Variants in SUGCT observed in about 807,000 individuals in gnomAD.
SUGCT encodes the protein succinyl-CoA:glutarate-CoA transferase, also known as succinyl-CoA:glutarate CoA-transferase.
SUGCT carries 41 observed loss-of-function variants against 55.0 expected under a neutral mutation model. That is an observed-to-expected ratio of 0.74 (90% CI 0.58 to 0.97). SUGCT has a LOEUF of 0.97. Among genes scored for constraint, SUGCT ranks in the 50% least tolerant of loss-of-function variants. SUGCT has a pLI of 0.00. For missense variants in SUGCT, 568 were observed against 547.8 expected (o/e 1.04, Z -0.37); for synonymous variants, 187 against 200.4 (o/e 0.93, Z 0.56).
Position 40,860,553 on chromosome 7 carries a change from C to G in SUGCT, c.*74C>G. On this transcript the variant is annotated 3_prime_UTR_variant, in exon 14 of 14. Coordinates refer to ENST00000335693, the MANE Select transcript of SUGCT (RefSeq NM_001193313.2). ...AAGGCAACACTTTGCTTGGACCCTT[C>G]TCCCCAGTTCTGATACCACTAAAAA... is the stretch of plus-strand genomic sequence containing the variant. 1 of 1,470,484 alleles carries G rather than the reference C, an allele frequency of 6.8e-7. No homozygotes were observed. Among genetic ancestry groups the G allele is most frequent in the Non-Finnish European group, 9.1e-7 (1 of 1,095,838 alleles). 91.1% of individuals were successfully genotyped at this position (1,470,484 alleles called of 1,614,324 possible).
At chr7:40,651,481 A>G (rs1800777835) in intron 12 of SUGCT, among the ~76,000 whole-genome samples, 1 of 151,552 alleles carries the variant, frequency 6.6e-6, no homozygotes, top group Non-Finnish European at 1.5e-5. Flanking sequence ...GATTCTGGAT[A>G]TTAGACCTTT....
intron 12 of SUGCT, among the ~76,000 whole-genome samples, chr7:40,522,828 C>T (rs1272316176): frequency 6.6e-6 from 1 of 151,996 alleles, no homozygotes; most frequent in Non-Finnish European, 1.5e-5. Flanking sequence ...TTTTCTGCCT[C>T]TTGTTGAGGG....
chr7:40,535,546 T>C (rs1794315841), intron 12 of SUGCT, among the ~76,000 whole-genome samples: 3 of 152,190 alleles, frequency 2.0e-5, no homozygotes, highest in Admixed American at 1.3e-4. Context: ...AGTGAGTGTA[T>C]ATCCAAGAAG....
intron 7 of SUGCT, among the ~76,000 whole-genome samples, chr7:40,259,972 T>C (rs1034630187): frequency 5.9e-5 from 9 of 152,234 alleles, no homozygotes; most frequent in African/African-American, 1.9e-4. Flanking sequence ...CATCTGGAGA[T>C]AGTAAAACTC....
chr7:40,729,457 TAG>T (rs1786781469), intron 12 of SUGCT, among the ~76,000 whole-genome samples: 1 of 152,194 alleles, frequency 6.6e-6, no homozygotes, highest in African/African-American at 2.4e-5. Flanking sequence ...GCCATTTAAG[TAG>T]AGTCTTGCAG....
At chr7:40,991,864 G>A in the SUGCT span, among the ~76,000 whole-genome samples, 1 of 152,072 alleles carries the variant, frequency 6.6e-6, no homozygotes, top group Admixed American at 6.6e-5. Context: ...GTTAGAAGAT[G>A]GAAGCTGAGT....
chr7:40,135,149 T>C, intron 1 of SUGCT, 29 bp downstream of exon 1: 2 of 1,522,748 alleles, frequency 1.3e-6, no homozygotes, highest in Non-Finnish European at 8.8e-7. Context: ...TCTGGGTGGC[T>C]AAAGGGATCC....
chr7:40,858,145 T>C (rs1215218054), intron 13 of SUGCT, among the ~76,000 whole-genome samples: 1 of 152,136 alleles, frequency 6.6e-6, no homozygotes, highest in Non-Finnish European at 1.5e-5. Flanking sequence ...GTTGTATTAA[T>C]ACATAAAGCC....
intron 8 of SUGCT, among the ~76,000 whole-genome samples, chr7:40,288,166 C>T (rs1367042046): frequency 6.6e-6 from 1 of 152,078 alleles, no homozygotes; most frequent in African/African-American, 2.4e-5. Context: ...TTTTTGGTGT[C>T]TGAGTAACAT....
chr7:40,858,239 A>G (rs1794289063), intron 13 of SUGCT, among the ~76,000 whole-genome samples: 1 of 152,030 alleles, frequency 6.6e-6, no homozygotes. Context: ...CCCCGTCTCT[A>G]CTAAAAATAC....
At chr7:40,324,232 T>TAA (rs1562680980) in intron 9 of SUGCT, among the ~76,000 whole-genome samples, 4 of 122,208 alleles carry the variant, frequency 3.3e-5, no homozygotes, top group East Asian at 2.4e-4. Flanking sequence ...TGATCATATA[T>TAA]ATAAATAAAT....
chr7:41,008,013 C>A, the SUGCT span, among the ~76,000 whole-genome samples: 2 of 152,086 alleles, frequency 1.3e-5, no homozygotes, highest in African/African-American at 2.4e-5. Context: ...AATTGCATAT[C>A]CAATTTAAAG....
chr7:40,326,383 A>G (rs1016563502), intron 9 of SUGCT, among the ~76,000 whole-genome samples: 10 of 152,334 alleles, frequency 6.6e-5, no homozygotes, highest in Non-Finnish European at 1.2e-4. Flanking sequence ...ACTAATAATT[A>G]TAGCTTTTGT....
chr7:40,567,362 A>G (rs1184834825), intron 12 of SUGCT, among the ~76,000 whole-genome samples: 3 of 152,178 alleles, frequency 2.0e-5, no homozygotes, highest in Non-Finnish European at 4.4e-5. Context: ...ATGGCAAACC[A>G]TTTTGTGGTC....
intron 9 of SUGCT, among the ~76,000 whole-genome samples, chr7:40,398,831 T>C (rs1785902930): frequency 6.6e-6 from 1 of 152,150 alleles, no homozygotes; most frequent in Non-Finnish European, 1.5e-5. Flanking sequence ...GAACAAAGGA[T>C]TGAATTATAA....
intron 12 of SUGCT, among the ~76,000 whole-genome samples, chr7:40,744,476 G>A (rs929750753): frequency 6.6e-6 from 1 of 152,122 alleles, no homozygotes; most frequent in African/African-American, 2.4e-5. Context: ...GACCACATCA[G>A]CTAGTTATTT....
At chr7:40,930,426 A>T in the SUGCT span, among the ~76,000 whole-genome samples, 1 of 152,122 alleles carries the variant, frequency 6.6e-6, no homozygotes, top group Non-Finnish European at 1.5e-5. Context: ...TTCTATATGA[A>T]CTTTAAAGTA....
At chr7:40,381,075 C>A (rs2151281561) in intron 9 of SUGCT, among the ~76,000 whole-genome samples, 1 of 152,158 alleles carries the variant, frequency 6.6e-6, no homozygotes, top group Non-Finnish European at 1.5e-5. Context: ...AGGTGGAGGG[C>A]AGTAGAATGT....
At chr7:40,537,701 G>C (rs913308939) in intron 12 of SUGCT, among the ~76,000 whole-genome samples, 1 of 152,182 alleles carries the variant, frequency 6.6e-6, no homozygotes, top group Non-Finnish European at 1.5e-5. Flanking sequence ...TTAATGAAAT[G>C]TAATCCAAAT....
Sources: allele counts gnomAD v4.1 joint callset (sites outside exome capture counted in the v4.1 genomes callset), GRCh38; gene constraint gnomAD v4.1.1; transcripts MANE v1.5; gene names NCBI Gene and HGNC (gene_info 2026-07-23, HGNC 2026-07-21).